The following PTPRT variants were observed in gnomAD, a reference collection of about 807,000 sequenced individuals.
PTPRT encodes protein tyrosine phosphatase receptor type T.
Under a neutral mutation model 176.8 loss-of-function variants are expected in PTPRT, and 56 were observed. The observed-to-expected ratio is 0.32, with a 90% CI of 0.26 to 0.40. PTPRT has a LOEUF of 0.40. Ranked by LOEUF, PTPRT falls within the 10% of genes least tolerant of loss-of-function variation. PTPRT has a pLI of 1.00. For synonymous variants in PTPRT, 783 were observed against 739.0 expected, an observed-to-expected ratio of 1.06 and a Z score of -0.96; for missense variants, 1,540 against 1,908.2, an observed-to-expected ratio of 0.81 and a Z score of 3.60.
At chr20:42,807,167 G>C (rs115385038) in intron 2 of PTPRT, among the ~76,000 whole-genome samples, 1 of 152,220 alleles carries the variant, frequency 6.6e-6, no homozygotes, top group Non-Finnish European at 1.5e-5. Flanking sequence ...GTCCCATTTA[G>C]ATTGGTACAG....
chr20:42,454,751 T>C (rs2070890717), intron 8 of PTPRT, among the ~76,000 whole-genome samples: 1 of 152,260 alleles, frequency 6.6e-6, no homozygotes, highest in Non-Finnish European at 1.5e-5. Context: ...TTAATTTTAA[T>C]GTACTCAAAT....
At chr20:42,639,907 G>A (rs1399157055) in intron 7 of PTPRT, among the ~76,000 whole-genome samples, 3 of 151,866 alleles carry the variant, frequency 2.0e-5, no homozygotes, top group Admixed American at 1.3e-4. Context: ...TGTCTACGCC[G>A]CTTCTGCTTT....
At position 42,456,021 on chromosome 20, in the gene PTPRT, T is replaced by C. The variant is rs148536153; in HGVS notation, c.1451-7692A>G. 2.0e-5 allele frequency among the ~76,000 whole-genome samples: 3 copies of C among 152,220 alleles called. No individual in the cohort carries two copies. The East Asian group carries it at 5.8e-4, about 29-fold the overall frequency. ...CAAATGGGAGATAATATCATGTCTT[T>C]ATAATAATAGTTTTCTCATCCATGA... On this transcript the variant is annotated intron_variant, in intron 8 of 30. Coordinates refer to ENST00000373187, the MANE Select transcript of PTPRT (RefSeq NM_007050.6).
intron 7 of PTPRT, among the ~76,000 whole-genome samples, chr20:42,613,256 T>C (rs1470952199): frequency 6.6e-6 from 1 of 152,232 alleles, no homozygotes; most frequent in Non-Finnish European, 1.5e-5. Flanking sequence ...GATGCCATAC[T>C]GAACAGCAGC....
At chr20:42,433,817 C>T (rs2059237297) in intron 9 of PTPRT, among the ~76,000 whole-genome samples, 1 of 152,122 alleles carries the variant, frequency 6.6e-6, no homozygotes, top group African/African-American at 2.4e-5. Context: ...AATGCCACTG[C>T]CTGCTACTGA....
intron 12 of PTPRT, among the ~76,000 whole-genome samples, chr20:42,289,139 G>C (rs985881174): frequency 6.6e-6 from 1 of 152,036 alleles, no homozygotes; most frequent in African/African-American, 2.4e-5. Context: ...ATGGATTAAA[G>C]ACTTAAATGT....
At chr20:42,142,692 T>C (rs1988686190) in intron 17 of PTPRT, among the ~76,000 whole-genome samples, 1 of 152,188 alleles carries the variant, frequency 6.6e-6, no homozygotes, top group Non-Finnish European at 1.5e-5. Context: ...AATTTATAAA[T>C]TAGGCATAGC....
At chr20:42,402,432 T>C (rs6102820) in intron 9 of PTPRT, among the ~76,000 whole-genome samples, 18,676 of 144,768 alleles carry the variant, frequency 0.13, 1,332 homozygotes, top group East Asian at 0.24. Flanking sequence ...AAGAAATTTA[T>C]ATGATCATTC....
At chr20:42,489,998 A>C (rs1190913477) in intron 7 of PTPRT, among the ~76,000 whole-genome samples, 3 of 152,184 alleles carry the variant, frequency 2.0e-5, no homozygotes, top group African/African-American at 7.2e-5. Context: ...CCATTTGCTT[A>C]CTATTCAGTC....
chr20:42,275,278 T>C (rs2057009919), intron 13 of PTPRT, among the ~76,000 whole-genome samples: 1 of 152,230 alleles, frequency 6.6e-6, no homozygotes, highest in African/African-American at 2.4e-5. Flanking sequence ...CTTTATTCTC[T>C]TTATTTATAA....
At chr20:42,553,713 C>T (rs1238957265) in intron 7 of PTPRT, among the ~76,000 whole-genome samples, 1 of 151,988 alleles carries the variant, frequency 6.6e-6, no homozygotes, top group Non-Finnish European at 1.5e-5. Flanking sequence ...CCTCTGTAAC[C>T]CAGAGAAGAG....
chr20:42,034,544 C>T, the PTPRT span, among the ~76,000 whole-genome samples: 1 of 152,144 alleles, frequency 6.6e-6, no homozygotes, highest in South Asian at 2.1e-4. Flanking sequence ...AGGCCAGAGG[C>T]TGTGGACCTC....
intron 13 of PTPRT, among the ~76,000 whole-genome samples, chr20:42,273,702 T>C (rs2056979460): frequency 6.6e-6 from 1 of 152,268 alleles, no homozygotes; most frequent in African/African-American, 2.4e-5. Context: ...AGTAAATGAA[T>C]ACATGAAAGT....
chr20:42,830,319 T>C (rs1008698231), intron 2 of PTPRT, among the ~76,000 whole-genome samples: 1 of 152,196 alleles, frequency 6.6e-6, no homozygotes, highest in Non-Finnish European at 1.5e-5. Context: ...ACGTGATTCA[T>C]CACACAAACA....
chr20:42,519,509 T>C (rs2072131298), intron 7 of PTPRT, among the ~76,000 whole-genome samples: 1 of 152,160 alleles, frequency 6.6e-6, no homozygotes, highest in African/African-American at 2.4e-5. Flanking sequence ...TTTTAATTTA[T>C]TATGATGTCT....
chr20:42,494,387 G>A (rs775029097), intron 7 of PTPRT, among the ~76,000 whole-genome samples: 16 of 152,248 alleles, frequency 1.1e-4, no homozygotes, highest in Non-Finnish European at 1.6e-4. Context: ...ATGAAAGAGA[G>A]TCTCTTCATA....
At chr20:42,573,865 C>A in intron 7 of PTPRT, among the ~76,000 whole-genome samples, 1 of 150,264 alleles carries the variant, frequency 6.7e-6, no homozygotes. Flanking sequence ...TTCTCTGCCT[C>A]AGCCTCTGGA....
chr20:43,114,631 A>G (rs1416380555), intron 1 of PTPRT, among the ~76,000 whole-genome samples: 1 of 152,200 alleles, frequency 6.6e-6, no homozygotes, highest in Non-Finnish European at 1.5e-5. Context: ...AAAAGCTAGA[A>G]GCTCATATTA....
intron 27 of PTPRT, among the ~76,000 whole-genome samples, chr20:42,088,513 AACTCATGTCTCCC>A (rs1241688951): frequency 6.9e-6 from 1 of 145,838 alleles, no homozygotes; most frequent in East Asian, 2.0e-4. Context: ...AGGAGATGGA[AACTCATGTCTCCC>A]ACCTTCTTAG....
Sources: allele counts gnomAD v4.1 joint callset (sites outside exome capture counted in the v4.1 genomes callset), GRCh38; gene constraint gnomAD v4.1.1; transcripts MANE v1.5; gene names NCBI Gene and HGNC (gene_info 2026-07-23, HGNC 2026-07-21).